The following HAO2 variants were observed in gnomAD, a reference collection of about 807,000 sequenced individuals.
HAO2 encodes the protein 2-Hydroxyacid oxidase 2.
In HAO2, 42 loss-of-function variants were observed where a neutral mutation model predicts 37.4. That is an observed-to-expected ratio of 1.12 (90% CI 0.88 to 1.45). HAO2 has a LOEUF of 1.45. Among genes scored for constraint, HAO2 ranks in the 40% most tolerant of loss-of-function variants. The pLI, the probability that HAO2 is intolerant of heterozygous loss-of-function variation, is 0.00. For synonymous variants in HAO2, 180 were observed against 162.8 expected (o/e 1.11, Z -0.81); for missense variants, 476 against 430.2 (o/e 1.11, Z -0.94).
At chr1:119,374,535 A>C (rs1458902774) in intron 1 of HAO2, among the ~76,000 whole-genome samples, 1 of 152,208 alleles carries the variant, frequency 6.6e-6, no homozygotes, top group African/African-American at 2.4e-5. Context: ...ATAAGTTCCT[A>C]AAGAACTAGG....
chr1:119,376,434 T>C (rs1255001338), intron 1 of HAO2, among the ~76,000 whole-genome samples: 1 of 152,198 alleles, frequency 6.6e-6, no homozygotes, highest in Admixed American at 6.5e-5. Flanking sequence ...CAGGCTAATG[T>C]TGAGTGTCTG....
intron 1 of HAO2, among the ~76,000 whole-genome samples, chr1:119,377,236 C>A (rs1377713298): frequency 2.0e-5 from 3 of 152,202 alleles, no homozygotes; most frequent in Admixed American, 6.5e-5. Flanking sequence ...TCTAAATCAT[C>A]TTTCTCAAGT....
Position 119,394,049 on chromosome 1 carries a change from C to G in HAO2, c.*209C>G. On this transcript the variant is annotated 3_prime_UTR_variant, in exon 8 of 8. Transcript: ENST00000325945. ...ATGTTCCATGCCCTTCTTTGTATCACTGACTATTATATGTTGCTCTCTTGC... is the reference window on the plus strand; with the variant it reads ...ATGTTCCATGCCCTTCTTTGTATCAGTGACTATTATATGTTGCTCTCTTGC... 7.2e-7 allele frequency: 1 copy of G among 1,380,440 alleles called. No individual in the cohort carries two copies. The highest frequency in any genetic ancestry group is 2.8e-5 in the East Asian group (1 of 36,210). 85.5% of individuals were successfully genotyped at this position (1,380,440 alleles called of 1,614,324 possible). A position where few individuals can be genotyped will look rare whatever the true frequency, so the allele number is the denominator to read the frequency against.
At chr1:119,370,637 A>G (rs78722479) in intron 1 of HAO2, among the ~76,000 whole-genome samples, 5,755 of 152,262 alleles carry the variant, frequency 0.038, 346 homozygotes, top group African/African-American at 0.13. Flanking sequence ...ATTTCAGCCT[A>G]TGTTTGCCAA....
rs145720309 is a variant in HAO2 at position 119,368,914 on chromosome 1, A to C, written c.-9+12A>C. On this transcript the variant is annotated intron_variant, in intron 1 of 7. Coordinates refer to ENST00000325945, the MANE Select transcript of HAO2 (RefSeq NM_016527.4). The stretch of plus-strand genomic sequence containing the variant: ...GACATTAGAATAAGGTTTGTCATTG[A>C]GTGTGTTCTGTGTGCTTGGAACTGA... The C allele has an allele frequency of 4.7e-4, 72 of 152,238 alleles. No homozygotes were observed. The highest frequency in any genetic ancestry group is 1.7e-3 in the African/African-American group (69 of 41,522). 9.4% of individuals were successfully genotyped at this position (152,238 alleles called of 1,614,324 possible). A position where few individuals can be genotyped will look rare whatever the true frequency, so the allele number is the denominator to read the frequency against.
At chr1:119,383,152 A>T in intron 3 of HAO2, 86 bp downstream of exon 3, 1 of 934,500 alleles carries the variant, frequency 1.1e-6, no homozygotes, top group Non-Finnish European at 1.6e-6. Context: ...TCTCTCTAGA[A>T]GGGCCTTAGG....
chr1:119,373,335 T>C lies in HAO2; in HGVS notation c.-9+4433T>C, dbSNP rs373952336. Among the ~76,000 whole-genome samples, 9 of 152,310 alleles carry C rather than the reference T, an allele frequency of 5.9e-5. No homozygotes were observed. The South Asian group carries it at 1.2e-3, about 21-fold the overall frequency. On this transcript the variant is annotated intron_variant, in intron 1 of 7. Coordinates refer to ENST00000325945, the MANE Select transcript of HAO2 (RefSeq NM_016527.4). ...TAATTCTCATGTAAGGAGAAGCTAATTCTAAGTTATATTGCCAGGCTATCC... is the reference window on the plus strand; with the variant it reads ...TAATTCTCATGTAAGGAGAAGCTAACTCTAAGTTATATTGCCAGGCTATCC...
rs1651108085 is a variant in HAO2 at position 119,393,800 on chromosome 1, C to T, written c.1016C>T (p.Ala339Val). 2.5e-6 allele frequency: 4 copies of T among 1,613,272 alleles called. 1 individual carries two copies. In the South Asian group the frequency reaches 4.4e-5, roughly 18 times the overall value. Residue 339 changes from alanine (A) to valine (V), a missense_variant, in exon 8 of 8, where the codon GCT (alanine) becomes GTT (valine). Physicochemically the swap from Ala to Val is moderately conservative, Grantham distance 64. Transcript: ENST00000325945. ...SMALTGCRSV[A>V]EINRNLVQFS... ...GTTCTTTTAGGCTGCCGGTCGGTCG[C>T]TGAGATCAATCGAAACTTGGTCCAG...
chr1:119,380,978 G>A (rs1379376462), intron 1 of HAO2, 100 bp from the exon 2 acceptor site: 2 of 1,017,724 alleles, frequency 2.0e-6, no homozygotes, highest in East Asian at 2.4e-5. Flanking sequence ...GACCAATGTT[G>A]AATCCAAACA....
Position 119,381,149 on chromosome 1 carries a change from C to A in HAO2, c.64C>A (p.Arg22=), listed in dbSNP as rs374571177. 5.0e-6 allele frequency: 8 copies of A among 1,609,666 alleles called. No individual in the cohort carries two copies. The highest frequency in any genetic ancestry group is 2.7e-5 in the African/African-American group (2 of 74,962). ...HAREQLSKST[R]DFIEGGADDS... ...GCGAGAGCAGCTGTCTAAGTCAACTCGGGATTTTATTGAAGGTGGAGCAGA... is the reference window on the plus strand; with the variant it reads ...GCGAGAGCAGCTGTCTAAGTCAACTAGGGATTTTATTGAAGGTGGAGCAGA... The change falls in exon 2 of 8, where the codon CGG becomes AGG. Residue 22 remains arginine (R), a synonymous_variant. Coordinates refer to ENST00000325945, the MANE Select transcript of HAO2 (RefSeq NM_016527.4).
chr1:119,392,161 T>C lies in HAO2; in HGVS notation c.823T>C (p.Tyr275His), dbSNP rs753368157. ...TGCTGTAAAGGGGAAAATTGAAGTC[T>C]ACCTGGATGGCGGGGTCCGAACTGG... is the stretch of plus-strand genomic sequence containing the variant. The part of the protein sequence containing the change: ...VAAVKGKIEV[Y>H]LDGGVRTGND... The change falls in exon 6 of 8, where the codon TAC becomes CAC. Residue 275 changes from tyrosine to histidine, a missense_variant. Coordinates refer to ENST00000325945, the MANE Select transcript of HAO2 (RefSeq NM_016527.4). 16 of 1,613,244 alleles carry C rather than the reference T, an allele frequency of 9.9e-6. No individual in the cohort carries two copies. The highest frequency in any genetic ancestry group is 1.3e-5 in the Non-Finnish European group (15 of 1,179,452).
intron 4 of HAO2, chr1:119,385,491 C>A (rs587615827): frequency 2.6e-6 from 2 of 778,762 alleles, no homozygotes; most frequent in Admixed American, 6.2e-5. Flanking sequence ...AGTGACTGGC[C>A]AGACAGTCTA....
chr1:119,392,487 TA>T, intron 6 of HAO2, 130 bp from the exon 7 acceptor site: 1 of 764,402 alleles, frequency 1.3e-6, no homozygotes, highest in Non-Finnish European at 2.3e-6. Flanking sequence ...ATTCCCAAGG[TA>T]ATTCTCACTT....
intron 1 of HAO2, among the ~76,000 whole-genome samples, chr1:119,371,695 A>T (rs4659003): frequency 0.22 from 32,783 of 152,026 alleles, 4,838 homozygotes; most frequent in African/African-American, 0.42. Context: ...AATGGGGATG[A>T]TAATATTTGT....
chr1:119,385,663 A>T, intron 4 of HAO2: 1 of 985,396 alleles, frequency 1.0e-6, no homozygotes, highest in Non-Finnish European at 1.2e-6. Flanking sequence ...CCTACAATTA[A>T]ATGGCAAGAA....
chr1:119,390,794 T>C (rs28570107), intron 5 of HAO2, among the ~76,000 whole-genome samples: 557 of 152,290 alleles, frequency 3.7e-3, no homozygotes, highest in African/African-American at 0.013. Context: ...ATGTTAGATA[T>C]GAAACCTCAT....
chr1:119,372,173 C>T (rs146326247), intron 1 of HAO2, among the ~76,000 whole-genome samples: 2 of 152,244 alleles, frequency 1.3e-5, no homozygotes, highest in East Asian at 3.9e-4. Flanking sequence ...TACTGTAAAG[C>T]AATGTTATTG....
chr1:119,379,406 A>C (rs1245472429), intron 1 of HAO2, among the ~76,000 whole-genome samples: 1 of 152,224 alleles, frequency 6.6e-6, no homozygotes, highest in African/African-American at 2.4e-5. Context: ...ACCAAGGTCC[A>C]ATATTGCAAG....
Position 119,386,756 on chromosome 1 carries a change from A to G in HAO2, c.696A>G (p.Leu232=). 6.2e-7 allele frequency: 1 copy of G among 1,613,790 alleles called. No individual in the cohort carries two copies. The highest frequency in any genetic ancestry group is 8.5e-7 in the Non-Finnish European group (1 of 1,179,682). Residue 232 remains leucine, a synonymous_variant, in exon 5 of 8, where the codon TTA becomes TTG. Transcript: ENST00000325945. ...KGILTKEDAE[L]AVKHNVQGII... ...TTTTGACAAAAGAGGATGCAGAGTT[A>G]GCTGTGAAGCACAATGTCCAGGGTA...
Sources: gnomAD v4.1 joint callset for allele counts (sites outside exome capture counted in the v4.1 genomes callset) on GRCh38, gnomAD v4.1.1 for gene constraint, MANE v1.5 for transcripts, NCBI Gene and HGNC (gene_info 2026-07-23, HGNC 2026-07-21) for gene names.